AUH: variants seen among roughly 807,000 people sequenced by gnomAD.
AUH encodes AU RNA binding methylglutaconyl-CoA hydratase.
AUH carries 29 observed loss-of-function variants against 42.3 expected under a neutral mutation model. The ratio of observed to expected loss-of-function variants is 0.69; its 90% confidence interval spans 0.51 to 0.93. The LOEUF is 0.93. AUH is among the 40% of genes least tolerant of loss of function. The pLI is 0.00. For missense variants in AUH, 452 were observed against 438.1 expected (o/e 1.03, Z -0.28); for synonymous variants, 174 against 166.4 (o/e 1.05, Z -0.35).
intron 3 of AUH, among the ~76,000 whole-genome samples, chr9:91,345,138 T>C (rs760139667): frequency 4.6e-5 from 7 of 151,918 alleles, no homozygotes; most frequent in African/African-American, 1.7e-4. Flanking sequence ...CCCCATAAGA[T>C]TGAGAAAAGA....
intron 6 of AUH, among the ~76,000 whole-genome samples, chr9:91,242,975 A>G (rs1222423304): frequency 6.6e-6 from 1 of 152,244 alleles, no homozygotes; most frequent in East Asian, 1.9e-4. Flanking sequence ...TAGCAACACC[A>G]TTATTAACAG....
intron 4 of AUH, among the ~76,000 whole-genome samples, chr9:91,300,675 A>G (rs1827712707): frequency 6.6e-6 from 1 of 152,246 alleles, no homozygotes; most frequent in Admixed American, 6.5e-5. Flanking sequence ...TGGTGTAAAC[A>G]TTTAGCATGG....
chr9:91,234,383 T>C (rs1348593820), intron 6 of AUH, among the ~76,000 whole-genome samples: 1 of 152,212 alleles, frequency 6.6e-6, no homozygotes, highest in Non-Finnish European at 1.5e-5. Context: ...TGCCATGGTA[T>C]AGACTGTCTA....
intron 6 of AUH, among the ~76,000 whole-genome samples, chr9:91,241,778 T>A (rs952995446): frequency 6.6e-6 from 1 of 152,190 alleles, no homozygotes; most frequent in African/African-American, 2.4e-5. Flanking sequence ...TAACATTTTA[T>A]ACTTTAAAAA....
At chr9:91,316,573 A>C (rs1175433783) in intron 4 of AUH, among the ~76,000 whole-genome samples, 1 of 152,228 alleles carries the variant, frequency 6.6e-6, no homozygotes, top group Non-Finnish European at 1.5e-5. Flanking sequence ...ATTTTTGGCT[A>C]ATCTGGTGGA....
At chr9:91,297,252 T>G (rs1036379515) in intron 5 of AUH, among the ~76,000 whole-genome samples, 1 of 152,230 alleles carries the variant, frequency 6.6e-6, no homozygotes, top group Non-Finnish European at 1.5e-5. Flanking sequence ...GTACCTGCTC[T>G]GAGGGTTGTT....
In AUH at chr9:91,243,561, C is replaced by A. The variant is rs903469471; in HGVS notation, c.656-22569G>T. On this transcript the variant is annotated intron_variant, in intron 6 of 9. Transcript: ENST00000375731. ...TCGCTTTCTATTCTCTGTGCTGGCC[C>A]ACCTCAATCTTATCTTGCAGTTTTT... Among the ~76,000 whole-genome samples the A allele has an allele frequency of 2.6e-5, 4 of 152,300 alleles. 1 individual carries two copies. The Middle Eastern group carries it at 0.01, about 389-fold the overall frequency.
chr9:91,292,570 C>A (rs773065551), intron 6 of AUH, among the ~76,000 whole-genome samples: 5 of 151,976 alleles, frequency 3.3e-5, no homozygotes, highest in Admixed American at 2.0e-4. Context: ...TAAGACACCG[C>A]ACCCAGGCAC....
At chr9:91,326,670 G>A (rs1035693971) in intron 3 of AUH, among the ~76,000 whole-genome samples, 1 of 152,152 alleles carries the variant, frequency 6.6e-6, no homozygotes, top group Non-Finnish European at 1.5e-5. Flanking sequence ...AATTCAATTG[G>A]TGGTTATGGG....
At chr9:91,262,209 G>A (rs1487769470) in intron 6 of AUH, among the ~76,000 whole-genome samples, 1 of 152,138 alleles carries the variant, frequency 6.6e-6, no homozygotes, top group Non-Finnish European at 1.5e-5. Context: ...TTAAAGAGTA[G>A]TTTATACATC....
At chr9:91,259,058 GCT>G (rs1012149209) in intron 6 of AUH, among the ~76,000 whole-genome samples, 1 of 152,146 alleles carries the variant, frequency 6.6e-6, no homozygotes, top group Admixed American at 6.5e-5. Flanking sequence ...CTGGAAGTAT[GCT>G]CTCTATTTTC....
chr9:91,350,083 G>A lies in AUH; in HGVS notation c.418+5800C>T, dbSNP rs1315246612. Among the ~76,000 whole-genome samples, 4 of 152,296 alleles carry A rather than the reference G, an allele frequency of 2.6e-5. No individual in the cohort carries two copies. In the East Asian group the frequency reaches 7.7e-4, roughly 29 times the overall value. On this transcript the variant is annotated intron_variant, in intron 3 of 9. Transcript: ENST00000375731. ...AGCACACCATGTGAAAACACATTAT[G>A]TATGGGAAACACTGTCTGTATCTGT...
chr9:91,310,407 T>A (rs1334277822), intron 4 of AUH, among the ~76,000 whole-genome samples: 1 of 152,230 alleles, frequency 6.6e-6, no homozygotes, highest in Non-Finnish European at 1.5e-5. Flanking sequence ...ATAAGCCAAT[T>A]TGCCCTCTCA....
At chr9:91,356,422 C>A (rs1832421891) in intron 1 of AUH, among the ~76,000 whole-genome samples, 1 of 152,182 alleles carries the variant, frequency 6.6e-6, no homozygotes, top group Non-Finnish European at 1.5e-5. Context: ...GTGGTTTCAT[C>A]ATCTTCAAGT....
chr9:91,219,859 A>T (rs1364289914), intron 7 of AUH, among the ~76,000 whole-genome samples: 1 of 152,232 alleles, frequency 6.6e-6, no homozygotes, highest in Non-Finnish European at 1.5e-5. Context: ...TTTTAAAAAG[A>T]ATCAAATGCA....
intron 3 of AUH, among the ~76,000 whole-genome samples, chr9:91,338,290 T>A (rs1454568569): frequency 1.3e-5 from 2 of 152,184 alleles, no homozygotes; most frequent in Non-Finnish European, 2.9e-5. Context: ...CACCTCTCCC[T>A]CTTCAATAGG....
At chr9:91,220,274 C>T (rs916382590) in intron 7 of AUH, among the ~76,000 whole-genome samples, 2 of 152,234 alleles carry the variant, frequency 1.3e-5, no homozygotes, top group Non-Finnish European at 1.5e-5. Context: ...ACAACGCCTA[C>T]ACCACCATAG....
At chr9:91,280,918 G>A (rs943320160) in intron 6 of AUH, among the ~76,000 whole-genome samples, 1 of 152,104 alleles carries the variant, frequency 6.6e-6, no homozygotes, top group Non-Finnish European at 1.5e-5. Context: ...TTTCTCCATT[G>A]AATTGCCTGT....
intron 6 of AUH, among the ~76,000 whole-genome samples, chr9:91,226,236 C>T (rs1371739757): frequency 3.1e-4 from 47 of 151,714 alleles, no homozygotes; most frequent in African/African-American, 8.4e-4. Context: ...TTTTAATGAT[C>T]GCCATTCTAA....
Sources: gnomAD v4.1 joint callset for allele counts (sites outside exome capture counted in the v4.1 genomes callset) on GRCh38, gnomAD v4.1.1 for gene constraint, MANE v1.5 for transcripts, NCBI Gene and HGNC (gene_info 2026-07-23, HGNC 2026-07-21) for gene names.